Variants in SCRN1 observed in about 807,000 individuals in gnomAD.
The protein encoded by SCRN1 is secernin-1.
In SCRN1, 19 loss-of-function variants were observed where a neutral mutation model predicts 43.3. That is an observed-to-expected ratio of 0.44 (90% CI 0.31 to 0.64). The LOEUF (loss-of-function observed/expected upper bound fraction) is 0.64. SCRN1 is among the 30% of genes least tolerant of loss of function. The pLI is 0.09. For synonymous variants in SCRN1, 183 were observed against 188.9 expected (o/e 0.97, Z 0.26); for missense variants, 447 against 524.1 (o/e 0.85, Z 1.44).
intron 1 of SCRN1, among the ~76,000 whole-genome samples, chr7:29,984,373 A>G (rs1377721334): frequency 1.3e-5 from 2 of 152,098 alleles, no homozygotes; most frequent in African/African-American, 2.4e-5. Context: ...CATAAACTCA[A>G]TTCAACAAGG....
At chr7:29,960,166 C>T (rs1485484204) in intron 2 of SCRN1, among the ~76,000 whole-genome samples, 2 of 152,174 alleles carry the variant, frequency 1.3e-5, no homozygotes, top group African/African-American at 2.4e-5. Context: ...AACATACACA[C>T]ACCCCACACA....
At position 29,945,196 on chromosome 7, in the gene SCRN1, C is replaced by T. The variant is rs2128091235; in HGVS notation, c.342-1017G>A. Among the ~76,000 whole-genome samples the T allele has an allele frequency of 2.6e-5, 4 of 152,326 alleles. 1 individual carries two copies. The South Asian group carries it at 8.3e-4, about 32-fold the overall frequency. Reference sequence around the variant, plus strand: ...AGTGAGACATCCATCTCCCCCTAGCCTTTCCAATTAATAAACCCTTTAAAG... The same window carrying T: ...AGTGAGACATCCATCTCCCCCTAGCTTTTCCAATTAATAAACCCTTTAAAG... On this transcript the variant is annotated intron_variant, in intron 3 of 7. Coordinates refer to ENST00000242059, the MANE Select transcript of SCRN1 (RefSeq NM_014766.5).
At chr7:29,962,219 ATAAT>A (rs1788347564) in intron 2 of SCRN1, among the ~76,000 whole-genome samples, 2 of 148,094 alleles carry the variant, frequency 1.4e-5, no homozygotes, top group Non-Finnish European at 3.0e-5. Context: ...ATTATTAAAT[ATAAT>A]TATGTATATG....
intron 1 of SCRN1, chr7:29,969,937 A>G (rs1325390072): frequency 2.2e-6 from 1 of 454,610 alleles, no homozygotes; most frequent in Admixed American, 2.4e-5. Flanking sequence ...ATTATCTAAT[A>G]TATCACCAAG....
At position 29,936,600 on chromosome 7, in the gene SCRN1, G is replaced by T. The variant is rs1287713679; in HGVS notation, c.861C>A (p.Ser287Arg). 1.9e-6 allele frequency: 3 copies of T among 1,604,734 alleles called. No homozygotes were observed. The highest frequency in any genetic ancestry group is 2.6e-6 in the Non-Finnish European group (3 of 1,172,734). ...CAGTGAAGTAGTGAATGCACGGAGA[G>T]CTTCTATTCTGCGGCAGGACAGACA... ...SGVSVLPQNR[S>R]SPCIHYFTGT... Residue 287 changes from serine (S) to arginine (R), a missense_variant, in exon 6 of 8, where the codon AGC (serine) becomes AGA (arginine). Physicochemically the swap from Ser to Arg is moderately radical, Grantham distance 110. Coordinates refer to ENST00000242059, the MANE Select transcript of SCRN1 (RefSeq NM_014766.5).
chr7:29,962,944 A>G (rs889809152), intron 2 of SCRN1, among the ~76,000 whole-genome samples: 1 of 152,128 alleles, frequency 6.6e-6, no homozygotes, highest in African/African-American at 2.4e-5. Context: ...CTAAAGGGGT[A>G]AGAGTAAGTT....
chr7:29,977,725 A>G (rs1219904141), intron 1 of SCRN1, among the ~76,000 whole-genome samples: 1 of 152,258 alleles, frequency 6.6e-6, no homozygotes, highest in African/African-American at 2.4e-5. Context: ...TAAGTGAGTA[A>G]GCAGGCTTTG....
At chr7:29,986,717 ATTTTTTTT>A (rs553845779) in intron 1 of SCRN1, among the ~76,000 whole-genome samples, 8 of 99,854 alleles carry the variant, frequency 8.0e-5, no homozygotes, top group African/African-American at 2.8e-4. Context: ...AATTTTTTTA[ATTTTTTTT>A]TTTTTTTTTT....
intron 2 of SCRN1, among the ~76,000 whole-genome samples, chr7:29,968,365 A>G (rs1000750128): frequency 6.6e-6 from 1 of 152,224 alleles, no homozygotes; most frequent in African/African-American, 2.4e-5. Context: ...TGAAAAATAC[A>G]AAGTAGAGAT....
At chr7:29,953,949 A>G (rs1311433889) in intron 3 of SCRN1, among the ~76,000 whole-genome samples, 2 of 152,214 alleles carry the variant, frequency 1.3e-5, no homozygotes, top group African/African-American at 4.8e-5. Context: ...TGGTACATCC[A>G]CACTGAAAGC....
chr7:29,971,287 T>C (rs1365294929), intron 1 of SCRN1, among the ~76,000 whole-genome samples: 2 of 152,218 alleles, frequency 1.3e-5, no homozygotes, highest in Non-Finnish European at 2.9e-5. Flanking sequence ...TCAAATAAAA[T>C]GATCCTTGAG....
chr7:29,931,726 T>G (rs1787161035), intron 6 of SCRN1, among the ~76,000 whole-genome samples: 1 of 152,346 alleles, frequency 6.6e-6, no homozygotes, highest in East Asian at 1.9e-4. Flanking sequence ...TCCTGTGACC[T>G]GGAGTTCCTG....
At chr7:29,934,029 A>G (rs1787244362) in intron 6 of SCRN1, among the ~76,000 whole-genome samples, 1 of 152,252 alleles carries the variant, frequency 6.6e-6, no homozygotes, top group African/African-American at 2.4e-5. Flanking sequence ...AAAGACAGTA[A>G]GTCGAGCAAG....
chr7:29,926,799 T>C (rs1367697752), intron 6 of SCRN1, among the ~76,000 whole-genome samples, 167 bp from the exon 7 acceptor site: 2 of 152,144 alleles, frequency 1.3e-5, no homozygotes, highest in East Asian at 1.9e-4. Context: ...CTGCATGTTT[T>C]AGTCGCTATT....
chr7:29,968,806 C>T (rs1429595464), intron 2 of SCRN1, 103 bp downstream of exon 2: 7 of 1,393,010 alleles, frequency 5.0e-6, no homozygotes, highest in Non-Finnish European at 6.0e-6. Flanking sequence ...GACATGATAG[C>T]TCTGACTTGT....
intron 3 of SCRN1, among the ~76,000 whole-genome samples, chr7:29,944,593 G>T (rs1162349329): frequency 3.3e-5 from 5 of 149,914 alleles, no homozygotes; most frequent in East Asian, 2.0e-4. Flanking sequence ...AGCCAAGCAG[G>T]TCGAGGCTGC....
chr7:29,975,881 T>C (rs1340691644), intron 1 of SCRN1, among the ~76,000 whole-genome samples: 2 of 152,248 alleles, frequency 1.3e-5, no homozygotes, highest in East Asian at 1.9e-4. Flanking sequence ...TTAAAGTGCA[T>C]TTATCTGTAG....
At chr7:29,961,892 T>C (rs1373040561) in intron 2 of SCRN1, among the ~76,000 whole-genome samples, 2 of 152,016 alleles carry the variant, frequency 1.3e-5, no homozygotes, top group Admixed American at 1.3e-4. Context: ...ACTTGACATA[T>C]GGAGATGATG....
intron 2 of SCRN1, among the ~76,000 whole-genome samples, chr7:29,957,701 A>C (rs559612012): frequency 1.2e-4 from 18 of 152,198 alleles, no homozygotes; most frequent in Non-Finnish European, 2.5e-4. Context: ...AGAAATGAGG[A>C]AACACATCCG....
Sources: gnomAD v4.1 joint callset for allele counts (sites outside exome capture counted in the v4.1 genomes callset) on GRCh38, gnomAD v4.1.1 for gene constraint, MANE v1.5 for transcripts, NCBI Gene and HGNC (gene_info 2026-07-23, HGNC 2026-07-21) for gene names.